The following MCTP1 variants were observed in gnomAD, a reference collection of about 807,000 sequenced individuals.
MCTP1 encodes the protein multiple C2 and transmembrane domain-containing protein 1.
In MCTP1, 69 loss-of-function variants were observed where a neutral mutation model predicts 120.6. That is an observed-to-expected ratio of 0.57 (90% CI 0.47 to 0.70). The LOEUF is 0.70. MCTP1 is among the 30% of genes least tolerant of loss of function. The pLI is 0.00. For synonymous variants in MCTP1, 529 were observed against 493.1 expected (o/e 1.07, Z -0.96); for missense variants, 1,203 against 1,248.8 (o/e 0.96, Z 0.55).
In MCTP1 at chr5:94,704,181, G is replaced by A. The variant is rs866009557; in HGVS notation, c.*3315C>T. The A allele has an allele frequency of 7.5e-5, 8 of 106,222 alleles. No individual in the cohort carries two copies. Among genetic ancestry groups the A allele is most frequent in the Middle Eastern group, 4.3e-3 (1 of 234 alleles). 6.6% of individuals were successfully genotyped at this position (106,222 alleles called of 1,614,324 possible). ...TTCTAGATACCCTAATCAAACCAACGAATAGACATCATCTGTACACTCACT... is the reference window on the plus strand; with the variant it reads ...TTCTAGATACCCTAATCAAACCAACAAATAGACATCATCTGTACACTCACT... On this transcript the variant is annotated 3_prime_UTR_variant, in exon 23 of 23. Transcript: ENST00000515393.
At position 95,284,364 on chromosome 5, in the gene MCTP1, C is replaced by A; in HGVS notation, c.212G>T (p.Gly71Val). The A allele has an allele frequency of 6.3e-7, 1 of 1,596,226 alleles. No individual in the cohort carries two copies. Among genetic ancestry groups the A allele is most frequent in the Non-Finnish European group, 8.5e-7 (1 of 1,179,122 alleles). The change falls in exon 1 of 23, where the codon GGG becomes GTG. Residue 71 changes from glycine to valine, a missense_variant. Coordinates refer to ENST00000515393, the MANE Select transcript of MCTP1 (RefSeq NM_024717.7). This position sits in a 1 kb window ranked among gnomAD's most constrained non-coding sequence, Gnocchi z 5.2. ...GCTCCACCTGCTGCCTGCACCACTC[C>A]CCCTGGCCGGTGCATTCCCTGTGCC... ...PVGTGNAPAR[G>V]SGAGSRWSGF...
chr5:95,138,242 C>T (rs1479051503), intron 1 of MCTP1, among the ~76,000 whole-genome samples: 3 of 150,700 alleles, frequency 2.0e-5, no homozygotes, highest in Admixed American at 6.6e-5. Flanking sequence ...AACCCCCCCC[C>T]GACATTAAAA....
At chr5:94,893,062 T>C (rs1160959222) in intron 11 of MCTP1, among the ~76,000 whole-genome samples, 4 of 152,194 alleles carry the variant, frequency 2.6e-5, no homozygotes, top group African/African-American at 9.7e-5. Context: ...CATTTTTGAA[T>C]ATATTGAGCA....
intron 1 of MCTP1, among the ~76,000 whole-genome samples, chr5:95,259,998 A>C (rs1384154194): frequency 6.6e-6 from 1 of 152,178 alleles, no homozygotes; most frequent in Non-Finnish European, 1.5e-5. Flanking sequence ...TGTTATGTGT[A>C]TATCCCTGAT....
In MCTP1 at chr5:94,779,125, ATCT is replaced by A. The variant is rs765605954; in HGVS notation, c.2592_2594del (p.Glu864del). 1.7e-4 allele frequency: 268 copies of A among 1,613,506 alleles called. No homozygotes were observed. The highest frequency in any genetic ancestry group is 2.1e-4 in the Non-Finnish European group (251 of 1,179,642). ...AGATAATTACCTTGTCATCTTTGTCATCTTCTTCTTCCTCGTCCTCTAGCATGT... is the reference window on the plus strand; with the variant it reads ...AGATAATTACCTTGTCATCTTTGTCATCTTCTTCCTCGTCCTCTAGCATGT... On this transcript the variant is annotated inframe_deletion, in exon 19 of 23. Coordinates refer to ENST00000515393, the MANE Select transcript of MCTP1 (RefSeq NM_024717.7).
chr5:95,226,023 T>C (rs935048562), intron 1 of MCTP1, among the ~76,000 whole-genome samples: 3 of 152,146 alleles, frequency 2.0e-5, no homozygotes, highest in Non-Finnish European at 4.4e-5. Flanking sequence ...TCCACAGGTG[T>C]TGGGGGAACA....
intron 2 of MCTP1, among the ~76,000 whole-genome samples, chr5:94,999,690 T>C (rs756631968): frequency 1.1e-4 from 17 of 152,228 alleles, no homozygotes; most frequent in Non-Finnish European, 2.2e-4. Context: ...CTTTTAAAAG[T>C]AATATTACTT....
chr5:95,188,009 G>T (rs756552062), intron 1 of MCTP1, among the ~76,000 whole-genome samples: 1 of 151,812 alleles, frequency 6.6e-6, no homozygotes, highest in Admixed American at 6.6e-5. Context: ...TACTATGTAC[G>T]CACACAATTA....
At chr5:94,732,135 C>T (rs1177661818) in intron 19 of MCTP1, among the ~76,000 whole-genome samples, 1 of 152,172 alleles carries the variant, frequency 6.6e-6, no homozygotes, top group Non-Finnish European at 1.5e-5. Flanking sequence ...AGTATTGCTA[C>T]ATTCCACAAA....
At chr5:94,813,881 G>A (rs553022306) in intron 17 of MCTP1, among the ~76,000 whole-genome samples, 19 of 152,162 alleles carry the variant, frequency 1.2e-4, no homozygotes, top group Non-Finnish European at 2.5e-4. Context: ...AGACACTACT[G>A]ACACATTCTA....
At chr5:95,209,931 C>T (rs182433309) in intron 1 of MCTP1, among the ~76,000 whole-genome samples, 11 of 152,200 alleles carry the variant, frequency 7.2e-5, no homozygotes, top group Admixed American at 2.0e-4. Flanking sequence ...CGTTATGTAC[C>T]CAGCAGTCAT....
chr5:94,713,818 A>G (rs306574), intron 20 of MCTP1, among the ~76,000 whole-genome samples: 77,151 of 151,982 alleles, frequency 0.51, 19,739 homozygotes, highest in South Asian at 0.63. Context: ...CATGAAAGGC[A>G]CGAGATGAAT....
chr5:95,075,505 T>C (rs1753306874), intron 1 of MCTP1, among the ~76,000 whole-genome samples: 1 of 152,118 alleles, frequency 6.6e-6, no homozygotes, highest in African/African-American at 2.4e-5. Flanking sequence ...AAATAATAGA[T>C]ACAATGAGGA....
chr5:94,924,748 T>C (rs1397416896), intron 6 of MCTP1, among the ~76,000 whole-genome samples: 1 of 152,214 alleles, frequency 6.6e-6, no homozygotes, highest in African/African-American at 2.4e-5. Flanking sequence ...AGCTTTGCAT[T>C]CTGTCTCTAG....
intron 19 of MCTP1, among the ~76,000 whole-genome samples, chr5:94,756,162 CAA>C (rs1769804103): frequency 6.6e-6 from 1 of 152,198 alleles, no homozygotes; most frequent in African/African-American, 2.4e-5. Context: ...ATCCCTACAA[CAA>C]CCCTATGAGG....
chr5:94,950,107 G>A (rs1160902682), intron 3 of MCTP1, among the ~76,000 whole-genome samples: 5 of 151,696 alleles, frequency 3.3e-5, no homozygotes. Context: ...AAAAAAATAG[G>A]AAAGCATTTA....
chr5:94,922,870 C>G (rs1429152344), intron 7 of MCTP1, among the ~76,000 whole-genome samples: 1 of 151,848 alleles, frequency 6.6e-6, no homozygotes, highest in Non-Finnish European at 1.5e-5. Context: ...TGTTCCTGGA[C>G]AATGCATGAA....
chr5:94,953,633 A>G (rs1821203844), intron 2 of MCTP1, among the ~76,000 whole-genome samples: 1 of 150,912 alleles, frequency 6.6e-6, no homozygotes, highest in Non-Finnish European at 1.5e-5. Context: ...CCGCTAGTGG[A>G]CATCTACCCA....
At chr5:94,729,538 C>CT (rs1176587620) in intron 19 of MCTP1, among the ~76,000 whole-genome samples, 1 of 152,150 alleles carries the variant, frequency 6.6e-6, no homozygotes, top group African/African-American at 2.4e-5. Flanking sequence ...TCCCAGTCTC[C>CT]TTCCAGTATC....
Sources: allele counts gnomAD v4.1 joint callset (sites outside exome capture counted in the v4.1 genomes callset), GRCh38; gene constraint gnomAD v4.1.1; non-coding constraint Gnocchi (gnomAD v3.1); transcripts MANE v1.5; gene names NCBI Gene and HGNC (gene_info 2026-07-23, HGNC 2026-07-21).